Variants in GRM5 observed in about 807,000 individuals in gnomAD.
The protein encoded by GRM5 is metabotropic glutamate receptor 5.
In GRM5, 19 loss-of-function variants were observed where a neutral mutation model predicts 83.1. The observed-to-expected ratio is 0.23, with a 90% confidence interval of 0.16 to 0.34. The LOEUF is 0.34. Among genes scored for constraint, GRM5 ranks in the 10% least tolerant of loss-of-function variants. GRM5 has a pLI of 1.00. For synonymous variants in GRM5, 675 were observed against 633.6 expected (o/e 1.07, Z -0.98); for missense variants, 1,160 against 1,588.3 (o/e 0.73, Z 4.58).
At chr11:88,968,814 C>T (rs367617034) in intron 2 of GRM5, among the ~76,000 whole-genome samples, 1 of 151,734 alleles carries the variant, frequency 6.6e-6, no homozygotes, top group Non-Finnish European at 1.5e-5. Flanking sequence ...AAAATAAAAA[C>T]CAAACTAAAA....
At chr11:88,823,930 T>C (rs1289911711) in intron 3 of GRM5, among the ~76,000 whole-genome samples, 4 of 152,170 alleles carry the variant, frequency 2.6e-5, no homozygotes, top group Admixed American at 6.5e-5. Flanking sequence ...AACTTTTTAT[T>C]ATTCTTGCTT....
intron 3 of GRM5, among the ~76,000 whole-genome samples, chr11:88,770,928 T>G (rs1942723801): frequency 6.6e-6 from 1 of 152,264 alleles, no homozygotes; most frequent in African/African-American, 2.4e-5. Context: ...ATGACCATAT[T>G]GCCACTCAGC....
intron 1 of GRM5, among the ~76,000 whole-genome samples, chr11:89,058,185 C>T (rs1438779601): frequency 6.6e-6 from 1 of 152,156 alleles, no homozygotes; most frequent in East Asian, 1.9e-4. Flanking sequence ...TACATAAATT[C>T]ATCAGAAAGC....
intron 3 of GRM5, among the ~76,000 whole-genome samples, chr11:88,677,980 T>C (rs1187443939): frequency 6.6e-6 from 1 of 152,034 alleles, no homozygotes; most frequent in Non-Finnish European, 1.5e-5. Context: ...GTATTGAAAA[T>C]TGACTTAAAT....
intron 2 of GRM5, among the ~76,000 whole-genome samples, chr11:88,911,766 G>T (rs546350527): frequency 1.3e-5 from 2 of 152,076 alleles, no homozygotes; most frequent in Non-Finnish European, 2.9e-5. Context: ...TGAGGGGGAA[G>T]TAAATTAGTA....
At chr11:88,671,803 A>G (rs1469819613) in intron 3 of GRM5, among the ~76,000 whole-genome samples, 1 of 152,028 alleles carries the variant, frequency 6.6e-6, no homozygotes, top group Non-Finnish European at 1.5e-5. Context: ...GAACGTTGGG[A>G]CCTTGCTCAC....
At chr11:88,880,163 T>A (rs1180028836) in intron 2 of GRM5, among the ~76,000 whole-genome samples, 1 of 152,016 alleles carries the variant, frequency 6.6e-6, no homozygotes, top group Non-Finnish European at 1.5e-5. Context: ...TTTTGGCTGT[T>A]TGATTGCCAA....
intron 3 of GRM5, among the ~76,000 whole-genome samples, chr11:88,699,552 G>T (rs1232786836): frequency 1.3e-5 from 2 of 152,168 alleles, no homozygotes; most frequent in Non-Finnish European, 1.5e-5. Flanking sequence ...CTAGGAAGCT[G>T]CCTTACCCTA....
chr11:88,624,840 C>A (rs536415544), intron 4 of GRM5, among the ~76,000 whole-genome samples: 11 of 152,172 alleles, frequency 7.2e-5, no homozygotes, highest in East Asian at 1.9e-4. Flanking sequence ...AAAAAATCCC[C>A]CTTTGAAGTT....
intron 8 of GRM5, among the ~76,000 whole-genome samples, chr11:88,552,822 A>G (rs1440881302): frequency 6.6e-6 from 1 of 152,148 alleles, no homozygotes; most frequent in Admixed American, 6.6e-5. Context: ...GTCTGGCACT[A>G]TTCTCCCTGG....
chr11:88,924,226 A>G (rs1340228873), intron 2 of GRM5, among the ~76,000 whole-genome samples: 2 of 139,450 alleles, frequency 1.4e-5, no homozygotes, highest in Non-Finnish European at 3.1e-5. Context: ...AATTGGTACA[A>G]CCATTTTGGA....
chr11:88,638,691 A>G (rs1048137652), intron 4 of GRM5, among the ~76,000 whole-genome samples: 4 of 152,088 alleles, frequency 2.6e-5, no homozygotes, highest in African/African-American at 4.8e-5. Flanking sequence ...TTTTCTCTTT[A>G]TCCTCCAGTG....
At chr11:88,901,676 T>A (rs905510273) in intron 2 of GRM5, among the ~76,000 whole-genome samples, 3 of 152,164 alleles carry the variant, frequency 2.0e-5, no homozygotes, top group African/African-American at 7.2e-5. Context: ...TCAGCAATAT[T>A]CCTCAGTTTA....
intron 3 of GRM5, among the ~76,000 whole-genome samples, chr11:88,727,343 TA>T (rs1383070890): frequency 1.3e-5 from 2 of 152,188 alleles, no homozygotes; most frequent in African/African-American, 2.4e-5. Flanking sequence ...CTAACTATCC[TA>T]AATATATAAG....
intron 3 of GRM5, among the ~76,000 whole-genome samples, chr11:88,749,119 G>T (rs1322070715): frequency 2.0e-5 from 3 of 152,168 alleles, no homozygotes; most frequent in Non-Finnish European, 4.4e-5. Flanking sequence ...ACAGAAGTAG[G>T]CTTCAAAAGG....
chr11:88,699,471 G>A (rs1285070183), intron 3 of GRM5, among the ~76,000 whole-genome samples: 2 of 152,118 alleles, frequency 1.3e-5, no homozygotes, highest in Non-Finnish European at 2.9e-5. Context: ...TGGCTGCCAG[G>A]AGTGTTGATT....
intron 3 of GRM5, among the ~76,000 whole-genome samples, chr11:88,751,741 AG>A (rs1942277989): frequency 6.6e-6 from 1 of 152,196 alleles, no homozygotes; most frequent in African/African-American, 2.4e-5. Context: ...CACATCAAAA[AG>A]CTTATCCACC....
At chr11:89,027,393 C>T (rs1471795603) in intron 2 of GRM5, among the ~76,000 whole-genome samples, 16 of 152,210 alleles carry the variant, frequency 1.1e-4, no homozygotes, top group Middle Eastern at 3.4e-3. Context: ...TGCACCTGGC[C>T]GGCATTTTCT....
rs189185887 is a variant in GRM5 at position 88,912,308 on chromosome 11, T to C, written c.662-62153A>G. 1.3e-4 allele frequency among the ~76,000 whole-genome samples: 19 copies of C among 151,990 alleles called. No individual in the cohort carries two copies. The East Asian group carries it at 3.7e-3, about 29-fold the overall frequency. ...CATCAAACAAATTGATGTTTGTTAC[T>C]TTCTTAAAGGGGCTGACTTATCCTA... On this transcript the variant is annotated intron_variant, in intron 2 of 9. Coordinates refer to ENST00000305447, the MANE Select transcript of GRM5 (RefSeq NM_001143831.3).
Sources: gnomAD v4.1 joint callset for allele counts (sites outside exome capture counted in the v4.1 genomes callset) on GRCh38, gnomAD v4.1.1 for gene constraint, MANE v1.5 for transcripts, NCBI Gene and HGNC (gene_info 2026-07-23, HGNC 2026-07-21) for gene names.